ATE1: variants seen among roughly 807,000 people sequenced by gnomAD.
ATE1 encodes arginyltransferase 1.
A neutral mutation model predicts 70.5 loss-of-function variants in ATE1; 36 were observed. That is an observed-to-expected ratio of 0.51 (90% CI 0.39 to 0.67). ATE1 has a LOEUF of 0.67. Among genes scored for constraint, ATE1 ranks in the 30% least tolerant of loss-of-function variants. ATE1 has a pLI of 0.00. For missense variants in ATE1, 593 were observed against 629.5 expected (o/e 0.94, Z 0.62); for synonymous variants, 232 against 219.3 (o/e 1.06, Z -0.51).
chr10:121,913,499 A>G (rs1429793106), intron 4 of ATE1, among the ~76,000 whole-genome samples: 2 of 152,262 alleles, frequency 1.3e-5, no homozygotes, highest in Non-Finnish European at 2.9e-5. Flanking sequence ...GGATCAAGAA[A>G]GATGAGTTAT....
At chr10:121,837,281 C>T (rs1254903996) in intron 9 of ATE1, among the ~76,000 whole-genome samples, 1 of 152,178 alleles carries the variant, frequency 6.6e-6, no homozygotes, top group Non-Finnish European at 1.5e-5. Flanking sequence ...CTAATTCATT[C>T]CTTTATCTAG....
intron 10 of ATE1, among the ~76,000 whole-genome samples, chr10:121,814,798 A>T (rs1947469741): frequency 6.6e-6 from 1 of 152,174 alleles, no homozygotes; most frequent in South Asian, 2.1e-4. Flanking sequence ...CTAAACACAT[A>T]TATATGCACG....
At chr10:121,793,440 A>G (rs562155206) in intron 10 of ATE1, among the ~76,000 whole-genome samples, 1 of 152,168 alleles carries the variant, frequency 6.6e-6, no homozygotes, top group Non-Finnish European at 1.5e-5. Context: ...ATAGTGTCAA[A>G]TGACTTTCCA....
intron 8 of ATE1, among the ~76,000 whole-genome samples, chr10:121,869,300 C>T (rs1949770590): frequency 6.6e-6 from 1 of 152,226 alleles, no homozygotes; most frequent in South Asian, 2.1e-4. Context: ...AGTCCCACCA[C>T]TTCTTCACAT....
chr10:121,804,655 G>A (rs1241048689), intron 10 of ATE1, among the ~76,000 whole-genome samples: 1 of 151,974 alleles, frequency 6.6e-6, no homozygotes, highest in Non-Finnish European at 1.5e-5. Context: ...ATCAGCTGTT[G>A]AGCTATCAGC....
intron 5 of ATE1, among the ~76,000 whole-genome samples, chr10:121,909,665 A>AT (rs1228001686): frequency 6.6e-6 from 1 of 152,200 alleles, no homozygotes; most frequent in Non-Finnish European, 1.5e-5. Context: ...TTGACAAACT[A>AT]TAAGTAATTT....
intron 8 of ATE1, among the ~76,000 whole-genome samples, chr10:121,860,047 G>A (rs1949413588): frequency 6.6e-6 from 1 of 152,176 alleles, no homozygotes. Context: ...CAGCATAGTG[G>A]ACACAAAACT....
In ATE1 at chr10:121,847,799, T is replaced by C. The variant is rs186315161; in HGVS notation, c.976-6536A>G. On this transcript the variant is annotated intron_variant, in intron 8 of 11. Transcript: ENST00000224652. ...AAAAAAATCGTGAACAGGCCAGGCG[T>C]GGTGGCTCACACCTGTAATCCCAGC... Among the ~76,000 whole-genome samples the C allele has an allele frequency of 4.5e-3, 611 of 137,248 alleles. 4 individuals are homozygous for C. Among genetic ancestry groups the C allele is most frequent in the African/African-American group, 0.015 (567 of 36,778 alleles). The allele number at this position is 137,248 out of a possible 152,430, so 90.0% of individuals were successfully genotyped here. A position where few individuals can be genotyped will look rare whatever the true frequency, so the allele number is the denominator to read the frequency against.
At chr10:121,923,646 A>G (rs976397243) in intron 2 of ATE1, among the ~76,000 whole-genome samples, 8 of 152,198 alleles carry the variant, frequency 5.3e-5, no homozygotes, top group African/African-American at 1.9e-4. Context: ...ATTTAATATT[A>G]CTTATATTTA....
chr10:121,859,406 A>G (rs938895545), intron 8 of ATE1, among the ~76,000 whole-genome samples: 15 of 151,090 alleles, frequency 9.9e-5, no homozygotes, highest in South Asian at 2.1e-4. Context: ...ACAGGCGCCC[A>G]CCACTACGCC....
chr10:121,829,645 G>A (rs1948159241), intron 10 of ATE1, among the ~76,000 whole-genome samples: 1 of 151,258 alleles, frequency 6.6e-6, no homozygotes, highest in Non-Finnish European at 1.5e-5. Flanking sequence ...AGGGGCGGAG[G>A]TTGCAGTGAG....
intron 10 of ATE1, among the ~76,000 whole-genome samples, chr10:121,800,352 G>C (rs1208198777): frequency 6.6e-6 from 1 of 152,128 alleles, no homozygotes; most frequent in Non-Finnish European, 1.5e-5. Flanking sequence ...GGGCTTGGCC[G>C]ATTGCAATAA....
chr10:121,883,458 A>G (rs1381149378), intron 7 of ATE1, among the ~76,000 whole-genome samples: 6 of 152,190 alleles, frequency 3.9e-5, no homozygotes, highest in Non-Finnish European at 7.4e-5. Flanking sequence ...TGTCAGCAAG[A>G]AAGAGAAAGG....
At chr10:121,824,284 T>C (rs1386572415) in intron 10 of ATE1, among the ~76,000 whole-genome samples, 1 of 152,170 alleles carries the variant, frequency 6.6e-6, no homozygotes, top group Non-Finnish European at 1.5e-5. Context: ...TTGTATTCCT[T>C]TCAGTCCAGT....
At chr10:121,848,778 A>G (rs372817502) in intron 8 of ATE1, among the ~76,000 whole-genome samples, 3 of 144,644 alleles carry the variant, frequency 2.1e-5, no homozygotes, top group African/African-American at 7.8e-5. Context: ...GGGCATGGTG[A>G]TGGGCGCCTG....
At chr10:121,808,919 C>T (rs1159869359) in intron 10 of ATE1, among the ~76,000 whole-genome samples, 1 of 152,184 alleles carries the variant, frequency 6.6e-6, no homozygotes, top group African/African-American at 2.4e-5. Flanking sequence ...CTATAGAATA[C>T]TAAACTCTTT....
chr10:121,881,808 GT>G (rs1229777348), intron 7 of ATE1, among the ~76,000 whole-genome samples: 7 of 151,480 alleles, frequency 4.6e-5, no homozygotes, highest in Admixed American at 2.0e-4. Context: ...GCTTTGTTTT[GT>G]TTTTTAAAGA....
intron 7 of ATE1, among the ~76,000 whole-genome samples, chr10:121,893,007 G>A (rs761032416): frequency 4.6e-5 from 7 of 152,026 alleles, no homozygotes; most frequent in Non-Finnish European, 8.8e-5. Context: ...GGCCGGGCAC[G>A]GTGGCTTACG....
At chr10:121,831,792 T>A (rs1304546497) in intron 10 of ATE1, among the ~76,000 whole-genome samples, 1 of 152,202 alleles carries the variant, frequency 6.6e-6, no homozygotes, top group East Asian at 1.9e-4. Context: ...AATCTGCTTT[T>A]GAAGTAATTT....
Sources: allele counts gnomAD v4.1 joint callset (sites outside exome capture counted in the v4.1 genomes callset), GRCh38; gene constraint gnomAD v4.1.1; transcripts MANE v1.5; gene names NCBI Gene and HGNC (gene_info 2026-07-23, HGNC 2026-07-21).